Variants in MCRIP2 observed in about 807,000 individuals in gnomAD.
MCRIP2 encodes MAPK regulated corepressor interacting protein 2, also known as MAPK regulated co-repressor interacting protein 2.
A neutral mutation model predicts 23.2 loss-of-function variants in MCRIP2; 21 were observed. The ratio of observed to expected loss-of-function variants is 0.90; its 90% CI spans 0.64 to 1.30. The LOEUF (loss-of-function observed/expected upper bound fraction) is 1.30, where lower values mean the gene tolerates loss of function less well. Among genes scored for constraint, MCRIP2 ranks in the 50% most tolerant of loss-of-function variants. MCRIP2 has a pLI of 0.00. For missense variants in MCRIP2, 234 were observed against 223.2 expected (o/e 1.05, Z -0.31); for synonymous variants, 121 against 100.2 (o/e 1.21, Z -1.24).
intron 2 of MCRIP2, 102 bp from the exon 3 acceptor site, chr16:647,315 G>A: frequency 6.5e-7 from 1 of 1,541,432 alleles, no homozygotes; most frequent in African/African-American, 1.4e-5. Context: ...GGCTGGCCAA[G>A]TCTGGGGAAA....
rs964951871 is a variant in MCRIP2, at chr16:648,267, C to T, written c.*77C>T. ...AGCATGGCGCCCTGCCCACCCACTG[C>T]GCCTGGCTGGGTGCCGGCCACACCT... On this transcript the variant is annotated 3_prime_UTR_variant, in exon 5 of 5. Transcript: ENST00000307650. 20 of 1,412,608 alleles carry T rather than the reference C, an allele frequency of 1.4e-5. No individual in the cohort carries two copies. The highest frequency in any genetic ancestry group is 5.8e-5 in the Admixed American group (3 of 51,384). 87.5% of individuals were successfully genotyped at this position (1,412,608 alleles called of 1,614,324 possible).
rs1458943814 is a variant in MCRIP2 at position 643,567 on chromosome 16, C to CA, written c.182+1319dup. 3.1e-5 allele frequency among the ~76,000 whole-genome samples: 4 copies of CA among 128,878 alleles called. No homozygotes were observed. The East Asian group carries it at 9.0e-4, about 29-fold the overall frequency. 84.5% of individuals were successfully genotyped at this position (128,878 alleles called of 152,430 possible). On this transcript the variant is annotated intron_variant, in intron 2 of 4. Transcript: ENST00000307650. ...TTTTTTTTTTTTTTTTTTTTGGAGA[C>CA]AGAGTCTCCATCTGTCGCCCAGGCT... is the stretch of plus-strand genomic sequence containing the variant.
chr16:648,305 T>G lies in MCRIP2; in HGVS notation c.*115T>G. The G allele has an allele frequency of 9.4e-7, 1 of 1,064,892 alleles. No individual in the cohort carries two copies. Among genetic ancestry groups the G allele is most frequent in the South Asian group, 1.4e-5 (1 of 73,890 alleles). The allele number at this position is 1,064,892 out of a possible 1,614,324, so 66.0% of individuals were successfully genotyped here. A position where few individuals can be genotyped will look rare whatever the true frequency, so the allele number is the denominator to read the frequency against. Reference sequence around the variant, plus strand: ...GCCGGCCACACCTGAAGTGCCAGCATTTGGACTTTTGCACCTTTTTTTCCC... The same window carrying G: ...GCCGGCCACACCTGAAGTGCCAGCAGTTGGACTTTTGCACCTTTTTTTCCC... On this transcript the variant is annotated 3_prime_UTR_variant, in exon 5 of 5. Transcript: ENST00000307650.
At chr16:647,364 A>G in intron 2 of MCRIP2, 53 bp from the exon 3 acceptor site, 2 of 1,601,708 alleles carry the variant, frequency 1.2e-6, no homozygotes, top group Non-Finnish European at 1.7e-6. Flanking sequence ...TCTGCCAGGC[A>G]GCACCGCACC....
chr16:643,387 TTCTC>T (rs1186961416), intron 2 of MCRIP2, among the ~76,000 whole-genome samples: 1 of 152,042 alleles, frequency 6.6e-6, no homozygotes, highest in Non-Finnish European at 1.5e-5. Context: ...ACCACCTTTC[TTCTC>T]TCTCCAAGAC....
Position 647,868 on chromosome 16 carries a change from C to G in MCRIP2, c.396C>G (p.Pro132=). ...PRPVQYVERT[P]NPRLQNFVPI... ...CTGTGCAGTACGTGGAGAGGACCCC[C>G]AATCCCCGGCTGCAGAGTGAGCCCC... is the stretch of plus-strand genomic sequence containing the variant. Residue 132 remains proline, a synonymous_variant, in exon 4 of 5, where the codon CCC becomes CCG. Transcript: ENST00000307650. 6.4e-7 allele frequency: 1 copy of G among 1,554,560 alleles called. No individual in the cohort carries two copies.
At chr16:647,571 C>T (rs2037519247) in intron 3 of MCRIP2, 27 bp downstream of exon 3, 1 of 1,609,430 alleles carries the variant, frequency 6.2e-7, no homozygotes. Context: ...GAGGGTGCGG[C>T]ATAGGCTGCT....
rs112280109 is a variant in MCRIP2 at position 644,757 on chromosome 16, C to T, written c.182+2508C>T. 3.3e-5 allele frequency among the ~76,000 whole-genome samples: 5 copies of T among 149,848 alleles called. 1 individual carries two copies. The highest frequency in any genetic ancestry group is 1.2e-4 in the African/African-American group (5 of 40,738). On this transcript the variant is annotated intron_variant, in intron 2 of 4. Coordinates refer to ENST00000307650, the MANE Select transcript of MCRIP2 (RefSeq NM_138418.4). ...GCCCGGCCCTGCCCTGCCTTTTCTT[C>T]TCCTTGGTGCTTTTTGCTACTCCTC...
At chr16:644,196 C>G (rs1344009182) in intron 2 of MCRIP2, among the ~76,000 whole-genome samples, 1 of 152,242 alleles carries the variant, frequency 6.6e-6, no homozygotes, top group African/African-American at 2.4e-5. Flanking sequence ...ATCCTCCTGC[C>G]TCAGCCTCCC....
chr16:644,791 C>T (rs370909974), intron 2 of MCRIP2, among the ~76,000 whole-genome samples: 71 of 151,540 alleles, frequency 4.7e-4, no homozygotes, highest in African/African-American at 1.6e-3. Flanking sequence ...TCATCTCTCA[C>T]TGACTGGGCG....
Position 647,408 on chromosome 16 carries a change from T to G in MCRIP2, c.183-9T>G. The G allele has an allele frequency of 6.2e-7, 1 of 1,613,004 alleles. No homozygotes were observed. Among genetic ancestry groups the G allele is most frequent in the Non-Finnish European group, 8.5e-7 (1 of 1,179,720 alleles). On this transcript the variant is annotated splice_polypyrimidine_tract_variant and intron_variant, in intron 2 of 4. Coordinates refer to ENST00000307650, the MANE Select transcript of MCRIP2 (RefSeq NM_138418.4). The stretch of plus-strand genomic sequence containing the variant: ...GCACCAACCATGTCCGTCTCCTCCC[T>G]TCCTGCAGTCCAGGGCCAAGGCTTG...
At position 642,111 on chromosome 16, in the gene MCRIP2, T is replaced by C; in HGVS notation, c.53-9T>C. ...GCGGCGGCGGCTGACCGCCCCCCGG[T>C]GCCCGCAGGTCCCACGCAGCAGCAG... On this transcript the variant is annotated splice_polypyrimidine_tract_variant and intron_variant, in intron 1 of 4. Transcript: ENST00000307650. The C allele has an allele frequency of 7.5e-7, 1 of 1,339,870 alleles. No homozygotes were observed. Among genetic ancestry groups the C allele is most frequent in the South Asian group, 1.8e-5 (1 of 54,828 alleles). 83.0% of individuals were successfully genotyped at this position (1,339,870 alleles called of 1,614,324 possible). A position where few individuals can be genotyped will look rare whatever the true frequency, so the allele number is the denominator to read the frequency against.
Position 647,890 on chromosome 16 carries a change from C to T in MCRIP2, c.412+6C>T. On this transcript the variant is annotated splice_donor_region_variant and intron_variant, in intron 4 of 4. Coordinates refer to ENST00000307650, the MANE Select transcript of MCRIP2 (RefSeq NM_138418.4). ...CCCCAATCCCCGGCTGCAGAGTGAG[C>T]CCCCCAACCCTGTCCCCCCAGGAGA... is the stretch of plus-strand genomic sequence containing the variant. The T allele has an allele frequency of 4.5e-6, 5 of 1,100,278 alleles. No individual in the cohort carries two copies. Among genetic ancestry groups the T allele is most frequent in the Non-Finnish European group, 4.9e-6 (4 of 809,326 alleles). 68.2% of individuals were successfully genotyped at this position (1,100,278 alleles called of 1,614,324 possible). A position where few individuals can be genotyped will look rare whatever the true frequency, so the allele number is the denominator to read the frequency against.
chr16:642,635 C>T (rs1166686212), intron 2 of MCRIP2: 1 of 154,018 alleles, frequency 6.5e-6, no homozygotes, highest in East Asian at 1.9e-4. Context: ...CCGGCTCTGC[C>T]CTTGCAGAGC....
Position 646,641 on chromosome 16 carries a change from G to T in MCRIP2, c.183-776G>T, listed in dbSNP as rs911595168. 3 of 152,178 alleles carry T rather than the reference G, an allele frequency of 2.0e-5. No homozygotes were observed. Among genetic ancestry groups the T allele is most frequent in the Non-Finnish European group, 2.9e-5 (2 of 68,036 alleles). The allele number at this position is 152,178 out of a possible 1,614,324, so 9.4% of individuals were successfully genotyped here. On this transcript the variant is annotated intron_variant, in intron 2 of 4. Coordinates refer to ENST00000307650, the MANE Select transcript of MCRIP2 (RefSeq NM_138418.4). This position sits in a 1 kb window ranked among gnomAD's most constrained non-coding sequence, Gnocchi z 6.5. The stretch of plus-strand genomic sequence containing the variant: ...CCCATTCCCTCCACGGCCCTGTCCC[G>T]GGCTTTGTGTGCTCAGGGCTCGGCC...
chr16:647,169 C>T (rs2037504019), intron 2 of MCRIP2: 1 of 578,984 alleles, frequency 1.7e-6, no homozygotes, highest in African/African-American at 1.9e-5. Context: ...GAGGCCCCCA[C>T]CCTACAGTCA....
In MCRIP2 at chr16:642,154, C is replaced by T. The variant is rs1305783472; in HGVS notation, c.87C>T (p.Gly29=). 6 of 1,361,778 alleles carry T rather than the reference C, an allele frequency of 4.4e-6. No homozygotes were observed. Among genetic ancestry groups the T allele is most frequent in the Non-Finnish European group, 5.7e-6 (6 of 1,054,214 alleles). The allele number at this position is 1,361,778 out of a possible 1,614,324, so 84.4% of individuals were successfully genotyped here. ...AGCAGCAGGTGGAGGGCCGGCTCGG[C>T]GAGCTCCTGAAATGCCGGCAGCCCG... The part of the protein sequence containing the change: ...PTQQQVEGRL[G]ELLKCRQPAP... Residue 29 remains glycine (G), a synonymous_variant, in exon 2 of 5, where the codon GGC becomes GGT. Transcript: ENST00000307650.
intron 2 of MCRIP2, chr16:645,287 T>C (rs1810458): frequency 0.55 from 82,852 of 151,280 alleles, 24,181 homozygotes; most frequent in African/African-American, 0.74. Flanking sequence ...GACAGAGTCT[T>C]GCTCTGTTGC....
At position 647,499 on chromosome 16, in the gene MCRIP2, A is replaced by G; in HGVS notation, c.265A>G (p.Thr89Ala). The change falls in exon 3 of 5, where the codon ACC becomes GCC. Residue 89 changes from threonine to alanine, a missense_variant. By Grantham distance (58) the Thr-to-Ala change is moderately conservative (BLOSUM62 0). Transcript: ENST00000307650. ...TSPSFEGTQE[T>A]YTVAHEENVR... is the part of the protein sequence containing the mutation. ...CCCATCCTTCGAGGGGACCCAGGAG[A>G]CCTACACAGTGGCCCACGAGGAGAA... 1 of 1,613,330 alleles carries G rather than the reference A, an allele frequency of 6.2e-7. No homozygotes were observed. The highest frequency in any genetic ancestry group is 8.5e-7 in the Non-Finnish European group (1 of 1,179,968).
Sources: allele counts gnomAD v4.1 joint callset (sites outside exome capture counted in the v4.1 genomes callset), GRCh38; gene constraint gnomAD v4.1.1; non-coding constraint Gnocchi (gnomAD v3.1); transcripts MANE v1.5; gene names NCBI Gene and HGNC (gene_info 2026-07-23, HGNC 2026-07-21).